Variants in CADPS observed in about 807,000 individuals in gnomAD.
The protein encoded by CADPS is calcium-dependent secretion activator 1.
In CADPS, 57 loss-of-function variants were observed where a neutral mutation model predicts 167.3. That is an observed-to-expected ratio of 0.34 (90% CI 0.28 to 0.42). The LOEUF (loss-of-function observed/expected upper bound fraction) is 0.42. Ranked by LOEUF, CADPS falls within the 20% of genes least tolerant of loss-of-function variation. CADPS has a pLI of 1.00. For missense variants in CADPS, 1,414 were observed against 1,738.1 expected, an observed-to-expected ratio of 0.81 and a Z score of 3.32; for synonymous variants, 676 against 635.3, an observed-to-expected ratio of 1.06 and a Z score of -0.96.
chr3:62,720,571 T>C (rs973038836), intron 3 of CADPS, among the ~76,000 whole-genome samples: 13 of 152,098 alleles, frequency 8.5e-5, no homozygotes, highest in African/African-American at 3.1e-4. Flanking sequence ...ACACCTGGCC[T>C]CAAGTGACCC....
At chr3:62,586,101 G>A (rs901206075) in intron 7 of CADPS, among the ~76,000 whole-genome samples, 14 of 152,182 alleles carry the variant, frequency 9.2e-5, no homozygotes, top group African/African-American at 3.4e-4. Flanking sequence ...GTTCTCAGGA[G>A]ACACATGGGA....
chr3:62,735,184 T>C (rs914089614), intron 3 of CADPS, among the ~76,000 whole-genome samples: 1 of 152,082 alleles, frequency 6.6e-6, no homozygotes, highest in Non-Finnish European at 1.5e-5. Context: ...GCTACATGCA[T>C]AAATATAAAT....
intron 10 of CADPS, among the ~76,000 whole-genome samples, chr3:62,550,588 G>C (rs1358181510): frequency 6.6e-6 from 1 of 152,098 alleles, no homozygotes; most frequent in Non-Finnish European, 1.5e-5. Context: ...TTCTGATTCA[G>C]TACGTCCGGA....
intron 9 of CADPS, among the ~76,000 whole-genome samples, chr3:62,567,245 T>A (rs2080384686): frequency 6.6e-6 from 1 of 152,112 alleles, no homozygotes; most frequent in African/African-American, 2.4e-5. Context: ...TTCTCAGAAA[T>A]CTGAGAATGG....
chr3:62,533,839 T>C (rs2074192558), intron 12 of CADPS, among the ~76,000 whole-genome samples: 1 of 152,248 alleles, frequency 6.6e-6, no homozygotes, highest in Non-Finnish European at 1.5e-5. Context: ...GTAATTCCAT[T>C]AAACTGAGAG....
intron 15 of CADPS, 66 bp from the exon 16 acceptor site, chr3:62,516,248 T>C: frequency 1.3e-6 from 2 of 1,576,916 alleles, no homozygotes; most frequent in Middle Eastern, 1.7e-4. Flanking sequence ...TCCATACTTC[T>C]TAGAAGCGTG....
chr3:62,654,854 C>A (rs2071140582), intron 4 of CADPS, among the ~76,000 whole-genome samples: 1 of 152,160 alleles, frequency 6.6e-6, no homozygotes, highest in Non-Finnish European at 1.5e-5. Flanking sequence ...AAGAAAATAG[C>A]TAGCGTTTGT....
chr3:62,478,355 G>T lies in CADPS; in HGVS notation c.3235C>A (p.Arg1079=). Residue 1079 remains arginine (R), a synonymous_variant, in exon 23 of 30, where the codon CGG becomes AGG. Coordinates refer to ENST00000383710, the MANE Select transcript of CADPS (RefSeq NM_003716.4). The surrounding 1 kb of genome is among the most constrained non-coding windows in gnomAD (Gnocchi z 5.7). ...WKLDALQTFI[R]DLHWPEEEFG... ...TCTTCTTCAGGCCAGTGCAGGTCCCGAATGAAGGTCTGAAGGGCGTCAAGT... is the reference window on the plus strand; with the variant it reads ...TCTTCTTCAGGCCAGTGCAGGTCCCTAATGAAGGTCTGAAGGGCGTCAAGT... 1.2e-6 allele frequency: 2 copies of T among 1,613,814 alleles called. No individual in the cohort carries two copies. The highest frequency in any genetic ancestry group is 1.7e-6 in the Non-Finnish European group (2 of 1,179,794).
chr3:62,701,782 C>T (rs961739995), intron 3 of CADPS, among the ~76,000 whole-genome samples: 1 of 151,944 alleles, frequency 6.6e-6, no homozygotes, highest in African/African-American at 2.4e-5. Context: ...CCTTCTATTC[C>T]CTGGAAGAGC....
intron 19 of CADPS, 118 bp from the exon 20 acceptor site, chr3:62,492,564 T>C (rs2063928593): frequency 1.0e-6 from 1 of 995,104 alleles, no homozygotes; most frequent in African/African-American, 1.6e-5. Context: ...CAGGGTTTGG[T>C]AATTTTATTG....
intron 24 of CADPS, among the ~76,000 whole-genome samples, chr3:62,468,018 G>A (rs961525576): frequency 6.6e-6 from 1 of 152,114 alleles, no homozygotes; most frequent in Non-Finnish European, 1.5e-5. Context: ...AAATAATACA[G>A]CTAATGGCTT....
At chr3:62,683,727 C>T (rs2089354) in intron 3 of CADPS, among the ~76,000 whole-genome samples, 68,449 of 151,822 alleles carry the variant, frequency 0.45, 15,846 homozygotes, top group East Asian at 0.78. Flanking sequence ...GTCTCAGACT[C>T]CTTGGGCTGT....
In CADPS at chr3:62,491,550, C is replaced by CACACAA. The variant is rs1553815272; in HGVS notation, c.2885-71_2885-70insTTGTGT. ...TATCAACGTACAACACACACACACA[C>CACACAA]ACACACAAACACACACACACACACA... On this transcript the variant is annotated intron_variant, in intron 20 of 29. Transcript: ENST00000383710. 2.3e-3 allele frequency: 2,073 copies of CACACAA among 899,702 alleles called. 6 individuals carry two copies. The highest frequency in any genetic ancestry group is 5.2e-3 in the Middle Eastern group (19 of 3,622). 55.7% of individuals were successfully genotyped at this position (899,702 alleles called of 1,614,324 possible). A position where few individuals can be genotyped will look rare whatever the true frequency, so the allele number is the denominator to read the frequency against.
chr3:62,698,379 T>C (rs1013367569), intron 3 of CADPS, among the ~76,000 whole-genome samples: 1 of 152,116 alleles, frequency 6.6e-6, no homozygotes, highest in African/African-American at 2.4e-5. Flanking sequence ...ACACAGTTCT[T>C]CTGGAAGCCC....
intron 3 of CADPS, among the ~76,000 whole-genome samples, chr3:62,720,457 G>T (rs1486540885): frequency 6.6e-6 from 1 of 151,740 alleles, no homozygotes; most frequent in Non-Finnish European, 1.5e-5. Context: ...TTAGTCTCCT[G>T]AGTAGCTAGG....
At chr3:62,437,113 G>T (rs1229492277) in intron 28 of CADPS, among the ~76,000 whole-genome samples, 1 of 151,904 alleles carries the variant, frequency 6.6e-6, no homozygotes, top group Non-Finnish European at 1.5e-5. Context: ...GTTCGCATTG[G>T]CACTAAAAAT....
At chr3:62,741,215 T>G (rs942114888) in intron 3 of CADPS, among the ~76,000 whole-genome samples, 1 of 152,174 alleles carries the variant, frequency 6.6e-6, no homozygotes, top group East Asian at 1.9e-4. Flanking sequence ...GCTGGTACCA[T>G]TTCTACTGAA....
At chr3:62,624,216 TAA>T (rs35434881) in intron 6 of CADPS, among the ~76,000 whole-genome samples, 43,567 of 151,852 alleles carry the variant, frequency 0.29, 6,798 homozygotes, top group East Asian at 0.54. Context: ...TAGGTAGTTC[TAA>T]GAGTTGCACA....
At chr3:62,607,804 G>A (rs572924153) in intron 6 of CADPS, among the ~76,000 whole-genome samples, 9 of 152,296 alleles carry the variant, frequency 5.9e-5, no homozygotes, top group East Asian at 1.9e-4. Context: ...CTTTCCCCAG[G>A]GACTGGCTTG....
Sources: allele counts gnomAD v4.1 joint callset (sites outside exome capture counted in the v4.1 genomes callset), GRCh38; gene constraint gnomAD v4.1.1; non-coding constraint Gnocchi (gnomAD v3.1); transcripts MANE v1.5; gene names NCBI Gene and HGNC (gene_info 2026-07-23, HGNC 2026-07-21).